The following CTDSP1 variants were observed in gnomAD, a reference collection of about 807,000 sequenced individuals.
CTDSP1 encodes the protein carboxy-terminal domain RNA polymerase II polypeptide A small phosphatase 1.
In CTDSP1, 15 loss-of-function variants were observed where a neutral mutation model predicts 32.5. The observed-to-expected ratio is 0.46, with a 90% CI of 0.31 to 0.71. The LOEUF (loss-of-function observed/expected upper bound fraction) is 0.71, where lower values mean the gene tolerates loss of function less well. CTDSP1 is among the 30% of genes least tolerant of loss of function. The pLI is 0.05. For missense variants in CTDSP1, 294 were observed against 351.1 expected (o/e 0.84, Z 1.30); for synonymous variants, 185 against 145.4 (o/e 1.27, Z -1.96).
At chr2:218,402,830 C>A in intron 4 of CTDSP1, 1 of 675,440 alleles carries the variant, frequency 1.5e-6, no homozygotes, top group Non-Finnish European at 2.7e-6. Context: ...GTAGGACTGG[C>A]CAGTGGAGTG....
At chr2:218,397,127 G>A (rs1355217624), upstream of CTDSP1, among the ~76,000 whole-genome samples, 1 of 152,154 alleles carries the variant, frequency 6.6e-6, no homozygotes, top group African/African-American at 2.4e-5. Flanking sequence ...GGACGTCTTA[G>A]ATCTTGTGGG....
chr2:218,397,146 G>A (rs1696839171), upstream of CTDSP1, among the ~76,000 whole-genome samples: 1 of 152,152 alleles, frequency 6.6e-6, no homozygotes, highest in Admixed American at 6.5e-5. Context: ...GGGCAGGACG[G>A]GGGACGGCAG....
Position 218,399,980 on chromosome 2 carries a change from T to TGCCCG in CTDSP1, c.-111_-110insGCCCG. 4 of 946,480 alleles carry TGCCCG rather than the reference T, an allele frequency of 4.2e-6. No individual in the cohort carries two copies. Among genetic ancestry groups the TGCCCG allele is most frequent in the Non-Finnish European group, 5.2e-6 (4 of 770,544 alleles). 58.6% of individuals were successfully genotyped at this position (946,480 alleles called of 1,614,324 possible). A position where few individuals can be genotyped will look rare whatever the true frequency, so the allele number is the denominator to read the frequency against. On this transcript the variant is annotated 5_prime_UTR_variant, in exon 1 of 7. It adds an upstream start codon to the 5' untranslated region. Transcript: ENST00000273062. ...CCCTCCCCTCCGGAGCTCGCGGGGA[T>TGCCCG]CCCTCCCTCCCACCCCTCCCCTCCC...
In CTDSP1 at chr2:218,402,865, G is replaced by T. The variant is rs1697223929; in HGVS notation, c.379-170G>T. On this transcript the variant is annotated intron_variant, in intron 4 of 6. Coordinates refer to ENST00000273062, the MANE Select transcript of CTDSP1 (RefSeq NM_021198.3). ...GGAAGTTTTGATCGTTTTCTGGCGG[G>T]GGGTGGGTACAGTTTCCCCAGCAGT... is the stretch of plus-strand genomic sequence containing the variant. 7.6e-6 allele frequency: 5 copies of T among 661,992 alleles called. No homozygotes were observed. The Admixed American group carries it at 1.1e-4, about 14-fold the overall frequency. 41.0% of individuals were successfully genotyped at this position (661,992 alleles called of 1,614,324 possible).
rs1697120331 is a variant in CTDSP1 at position 218,401,245 on chromosome 2, G to A, written c.68-319G>A. 1.6e-5 allele frequency: 7 copies of A among 439,630 alleles called. No individual in the cohort carries two copies. The East Asian group carries it at 3.3e-4, about 21-fold the overall frequency. The allele number at this position is 439,630 out of a possible 1,614,324, so 27.2% of individuals were successfully genotyped here. A position where few individuals can be genotyped will look rare whatever the true frequency, so the allele number is the denominator to read the frequency against. On this transcript the variant is annotated intron_variant, in intron 1 of 6. Transcript: ENST00000273062. ...GGTGGGGTCAGGAGGCACCGCAATG[G>A]GGCTGATCAGCAGCAGTCATGGAGG...
intron 1 of CTDSP1, chr2:218,401,157 G>T: frequency 2.8e-6 from 1 of 363,200 alleles, no homozygotes; most frequent in South Asian, 2.0e-5. Flanking sequence ...GATGGAGGGA[G>T]GGCAGGGGTG....
chr2:218,401,629 T>A lies in CTDSP1; in HGVS notation c.133T>A (p.Cys45Ser), dbSNP rs1464257896. The A allele has an allele frequency of 6.2e-7, 1 of 1,613,570 alleles. No homozygotes were observed. The highest frequency in any genetic ancestry group is 8.5e-7 in the Non-Finnish European group (1 of 1,179,798). Residue 45 changes from cysteine to serine, a missense_variant, in exon 2 of 7, where the codon TGT becomes AGT. Cys to Ser is a moderately radical substitution (Grantham distance 112, BLOSUM62 -1). Around this residue, in one of 2 missense-constraint regions of CTDSP1, gnomAD observed 148 missense variants for 113.3 expected, o/e 1.31. Coordinates refer to ENST00000273062, the MANE Select transcript of CTDSP1 (RefSeq NM_021198.3). ...SRGILHSLFC[C>S]VCRDDGEALP... ...GGGCATCCTCCACTCACTCTTCTGCTGTGTCTGCCGGGATGATGGGGAGGC... is the reference window on the plus strand; with the variant it reads ...GGGCATCCTCCACTCACTCTTCTGCAGTGTCTGCCGGGATGATGGGGAGGC...
intron 5 of CTDSP1, 35 bp from the exon 6 acceptor site, chr2:218,403,197 T>C: frequency 1.2e-6 from 2 of 1,611,752 alleles, no homozygotes; most frequent in Non-Finnish European, 8.5e-7. Flanking sequence ...CCAATGAACC[T>C]GCGGGCCCCA....
At chr2:218,398,505 C>T (rs753880564), upstream of CTDSP1, 5 of 1,414,334 alleles carry the variant, frequency 3.5e-6, no homozygotes, top group Middle Eastern at 2.1e-4. Flanking sequence ...AGTCCCCTCC[C>T]GCCCCTACTC....
At chr2:218,397,059 A>T (rs1049554508), upstream of CTDSP1, among the ~76,000 whole-genome samples, 1 of 151,974 alleles carries the variant, frequency 6.6e-6, no homozygotes, top group Non-Finnish European at 1.5e-5. Context: ...GAGGAATGAG[A>T]GTGCCAGGAG....
In CTDSP1 at chr2:218,401,917, G is replaced by A. The variant is rs61542239; in HGVS notation, c.217-194G>A. 0.018 allele frequency among the ~76,000 whole-genome samples: 2,734 copies of A among 152,246 alleles called. 57 individuals are homozygous for A. Among genetic ancestry groups the A allele is most frequent in the African/African-American group, 0.05 (2,089 of 41,526 alleles). The stretch of plus-strand genomic sequence containing the variant: ...ATAAGTGGAAGCTTTTTCCTACCTT[G>A]GTTTTTAGAGAGGTCTCAAAGAGCC... On this transcript the variant is annotated intron_variant, in intron 2 of 6. Coordinates refer to ENST00000273062, the MANE Select transcript of CTDSP1 (RefSeq NM_021198.3).
chr2:218,398,563 C>T, upstream of CTDSP1: 3 of 877,894 alleles, frequency 3.4e-6, no homozygotes, highest in South Asian at 2.0e-5. Context: ...GACGCCGCTC[C>T]CCTCCCTTCC....
rs1046142213 is a variant in CTDSP1 at position 218,404,521 on chromosome 2, C to T, written c.*96C>T. On this transcript the variant is annotated 3_prime_UTR_variant, in exon 7 of 7. Coordinates refer to ENST00000273062, the MANE Select transcript of CTDSP1 (RefSeq NM_021198.3). Reference sequence around the variant, plus strand: ...GCCTTTGTTAGGAAAACCCATGGGCCGCCGCCACACTCAGTGCCATGGGGA... The same window carrying T: ...GCCTTTGTTAGGAAAACCCATGGGCTGCCGCCACACTCAGTGCCATGGGGA... 1.8e-5 allele frequency: 26 copies of T among 1,472,168 alleles called. No homozygotes were observed. Among genetic ancestry groups the T allele is most frequent in the African/African-American group, 1.1e-4 (8 of 72,094 alleles). The allele number at this position is 1,472,168 out of a possible 1,614,324, so 91.2% of individuals were successfully genotyped here. A position where few individuals can be genotyped will look rare whatever the true frequency, so the allele number is the denominator to read the frequency against.
chr2:218,402,862 C>T (rs542046480), intron 4 of CTDSP1, 173 bp from the exon 5 acceptor site: 22 of 659,964 alleles, frequency 3.3e-5, no homozygotes, highest in African/African-American at 2.7e-4. Flanking sequence ...CGTTTTCTGG[C>T]GGGGGGTGGG....
rs3795983 is a variant in CTDSP1, at chr2:218,400,478, G to A, written c.67+321G>A. On this transcript the variant is annotated intron_variant, in intron 1 of 6. Transcript: ENST00000273062. ...CGCCCCCCCACCATTGGCGCCAATG[G>A]GGCTGGGAGATGGGGGAGCTGAGGA... The A allele has an allele frequency of 9.7e-4, 432 of 444,454 alleles. 5 individuals carry two copies. In the East Asian group the frequency reaches 0.019, roughly 19 times the overall value. 27.5% of individuals were successfully genotyped at this position (444,454 alleles called of 1,614,324 possible). A position where few individuals can be genotyped will look rare whatever the true frequency, so the allele number is the denominator to read the frequency against.
intron 1 of CTDSP1, chr2:218,401,064 GAC>G: frequency 2.5e-6 from 1 of 397,726 alleles, no homozygotes; most frequent in Non-Finnish European, 5.2e-6. Context: ...ATGGCCACTG[GAC>G]ACTGGCCCCA....
At chr2:218,403,667 G>C (rs1412630433) in intron 6 of CTDSP1, 1 of 417,350 alleles carries the variant, frequency 2.4e-6, no homozygotes, top group East Asian at 3.6e-5. Flanking sequence ...ACGGAGTTTG[G>C]AAAGTTTCAA....
At chr2:218,401,212 T>C (rs1273804249) in intron 1 of CTDSP1, 1 of 383,108 alleles carries the variant, frequency 2.6e-6, no homozygotes, top group African/African-American at 2.1e-5. Context: ...GCAGGGGTGC[T>C]CAGGTAAGGT....
rs764364919 is a variant in CTDSP1 at position 218,402,101 on chromosome 2, C to T, written c.217-10C>T. The T allele has an allele frequency of 1.2e-6, 2 of 1,600,676 alleles. No homozygotes were observed. Among genetic ancestry groups the T allele is most frequent in the South Asian group, 1.1e-5 (1 of 90,380 alleles). On this transcript the variant is annotated splice_polypyrimidine_tract_variant and intron_variant, in intron 2 of 6. Transcript: ENST00000273062. ...GAGAGGCACCCCAGCCAGCCCCGCC[C>T]TCCCTACAGCAGACCCCAGTCCAAT...
Sources: allele counts gnomAD v4.1 joint callset (sites outside exome capture counted in the v4.1 genomes callset), GRCh38; gene constraint gnomAD v4.1.1; regional missense constraint gnomAD v4.1.1; transcripts MANE v1.5; gene names NCBI Gene and HGNC (gene_info 2026-07-23, HGNC 2026-07-21).